The following ANGEL1 variants were observed in gnomAD, a reference collection of about 807,000 sequenced individuals.
ANGEL1 encodes angel homolog 1.
A neutral mutation model predicts 76.4 loss-of-function variants in ANGEL1; 62 were observed. The observed-to-expected ratio is 0.81, with a 90% CI of 0.66 to 1.00. The LOEUF (loss-of-function observed/expected upper bound fraction) is 1.00, where lower values mean the gene tolerates loss of function less well. Ranked by LOEUF, ANGEL1 falls within the 50% of genes least tolerant of loss-of-function variation. The probability of loss-of-function intolerance (pLI) is 0.00; values close to 1 mark genes in which losing one functional copy is unlikely to be tolerated. For missense variants in ANGEL1, 737 were observed against 836.7 expected, an observed-to-expected ratio of 0.88 and a Z score of 1.47; for synonymous variants, 340 against 331.7, an observed-to-expected ratio of 1.03 and a Z score of -0.27.
In ANGEL1 at chr14:76,789,362, G is replaced by C. The variant is rs781697667; in HGVS notation, c.1879C>G (p.Leu627Val). The change falls in exon 10 of 10, where the codon CTC becomes GTC. Residue 627 changes from leucine to valine, a missense_variant. This residue lies in a region of ANGEL1 where 296 missense variants were observed against 387.2 expected (regional missense o/e 0.76). Coordinates refer to ENST00000251089, the MANE Select transcript of ANGEL1 (RefSeq NM_015305.4). The stretch of plus-strand genomic sequence containing the variant: ...AGGGAGAGACGACCCAGGAGCTTGA[G>C]AGTTCCATCTCGATACAGCCTGTGA... ...TDHRLYRDGT[L>V]KLLGRLSLLS... 1.2e-6 allele frequency: 2 copies of C among 1,614,214 alleles called. No individual in the cohort carries two copies. The highest frequency in any genetic ancestry group is 1.7e-6 in the Non-Finnish European group (2 of 1,180,028).
At chr14:76,803,613 G>T in intron 6 of ANGEL1, 132 bp from the exon 7 acceptor site, 1 of 1,352,214 alleles carries the variant, frequency 7.4e-7, no homozygotes, top group Non-Finnish European at 1.0e-6. Flanking sequence ...TTTTCCAAAG[G>T]CTATGATTTA....
chr14:76,808,967 TCCCTA>T (rs1202865631), intron 2 of ANGEL1, 87 bp downstream of exon 2: 1 of 1,218,398 alleles, frequency 8.2e-7, no homozygotes, highest in African/African-American at 1.5e-5. Context: ...GTGGCAGAGC[TCCCTA>T]CCATAGAATC....
rs1465714298 is a variant in ANGEL1, at chr14:76,789,070, C to G, written c.*158G>C. 5.9e-6 allele frequency: 6 copies of G among 1,022,048 alleles called. No individual in the cohort carries two copies. In the African/African-American group the frequency reaches 8.0e-5, roughly 14 times the overall value. 63.3% of individuals were successfully genotyped at this position (1,022,048 alleles called of 1,614,324 possible). The stretch of plus-strand genomic sequence containing the variant: ...CCACAGGCAGAGAACGCAGCCAGGC[C>G]TGGAGAAAGTCTAACCGTGGGAAAA... On this transcript the variant is annotated 3_prime_UTR_variant, in exon 10 of 10. Transcript: ENST00000251089.
chr14:76,809,379 G>A lies in ANGEL1; in HGVS notation c.329C>T (p.Ser110Phe), dbSNP rs766502420. 1.2e-6 allele frequency: 2 copies of A among 1,614,230 alleles called. No individual in the cohort carries two copies. Among genetic ancestry groups the A allele is most frequent in the East Asian group, 4.5e-5 (2 of 44,890 alleles). ...EENAASEDRW[S>F]SRQLSDLRAA... ...CCGAAGGTCACTCAGCTGCCTGCTG[G>A]ACCACCTGTCCTCTGAAGCAGCATT... is the stretch of plus-strand genomic sequence containing the variant. Residue 110 changes from serine to phenylalanine, a missense_variant, in exon 2 of 10, where the codon TCC (serine) becomes TTC (phenylalanine). Coordinates refer to ENST00000251089, the MANE Select transcript of ANGEL1 (RefSeq NM_015305.4).
In ANGEL1 at chr14:76,795,189, A is replaced by T. The variant is rs578136380; in HGVS notation, c.1619-3823T>A. Among the ~76,000 whole-genome samples, 6 of 152,286 alleles carry T rather than the reference A, an allele frequency of 3.9e-5. No homozygotes were observed. The South Asian group carries it at 1.2e-3, about 32-fold the overall frequency. On this transcript the variant is annotated intron_variant, in intron 7 of 9. Coordinates refer to ENST00000251089, the MANE Select transcript of ANGEL1 (RefSeq NM_015305.4). ...TTTTTTTCTTAAGAGGGTTCATTTT[A>T]AAAGAATCAAGAATAGATGTTGAAT...
chr14:76,810,279 A>C (rs57335731), intron 1 of ANGEL1: 46,897 of 453,012 alleles, frequency 0.1, 2,797 homozygotes, highest in East Asian at 0.25. Flanking sequence ...AAATTAGCCA[A>C]GTACGGTGGC....
intron 7 of ANGEL1, among the ~76,000 whole-genome samples, chr14:76,792,193 C>T (rs919236217): frequency 5.3e-5 from 8 of 152,070 alleles, no homozygotes; most frequent in Non-Finnish European, 8.8e-5. Context: ...ACAAACTATG[C>T]ACAATAACTC....
chr14:76,806,647 C>T lies in ANGEL1; in HGVS notation c.1149G>A (p.Val383=). Residue 383 remains valine (V), a synonymous_variant, in exon 5 of 10, where the codon GTG becomes GTA. Coordinates refer to ENST00000251089, the MANE Select transcript of ANGEL1 (RefSeq NM_015305.4). ...GGGTATTTGCCACACACAGCGGGGC[C>T]ACCGAGACTTGTCCCAGGCCTTCTG... The part of the protein sequence containing the change: ...LVPEGLGQVS[V]APLCVANTHI... 1 of 1,614,068 alleles carries T rather than the reference C, an allele frequency of 6.2e-7. No individual in the cohort carries two copies. The highest frequency in any genetic ancestry group is 8.5e-7 in the Non-Finnish European group (1 of 1,180,036).
rs1294717922 is a variant in ANGEL1 at position 76,791,316 on chromosome 14, G to A, written c.1669C>T (p.Leu557Phe). ...ESVLEEDASE[L>F]EPAFSRTVGT... ...GGTTACCTGGAGAAGGCAGGCTCAA[G>A]CTCCGATGCATCTTCCTCAAGGACA... The change falls in exon 8 of 10, where the codon CTT becomes TTT. Residue 557 changes from leucine to phenylalanine, a missense_variant. Physicochemically the swap from Leu to Phe is conservative, Grantham distance 22 (BLOSUM62 0). This residue lies in a region of ANGEL1 where 296 missense variants were observed against 387.2 expected (regional missense o/e 0.76). Coordinates refer to ENST00000251089, the MANE Select transcript of ANGEL1 (RefSeq NM_015305.4). 6.2e-7 allele frequency: 1 copy of A among 1,613,974 alleles called. No individual in the cohort carries two copies. Among genetic ancestry groups the A allele is most frequent in the African/African-American group, 1.3e-5 (1 of 74,918 alleles).
In ANGEL1 at chr14:76,809,642, A is replaced by T. The variant is rs1246733652; in HGVS notation, c.66T>A (p.Asp22Glu). Residue 22 changes from aspartate (D) to glutamate (E), a missense_variant and splice_region_variant, in exon 2 of 10, where the codon GAT becomes GAA. Physicochemically the swap from Asp to Glu is conservative, Grantham distance 45 (BLOSUM62 2). Transcript: ENST00000251089. Reference protein sequence around the residue: ...PATRLFRALSDAFFTCRKNVL... With the variant: ...PATRLFRALSEAFFTCRKNVL... ...CATTTTTTCGACATGTGAAGAAAGCATCTAGGAGGAAAGCCAAAATACCAG... is the reference window on the plus strand; with the variant it reads ...CATTTTTTCGACATGTGAAGAAAGCTTCTAGGAGGAAAGCCAAAATACCAG... 1.2e-6 allele frequency: 2 copies of T among 1,610,136 alleles called. No individual in the cohort carries two copies. The highest frequency in any genetic ancestry group is 1.7e-6 in the Non-Finnish European group (2 of 1,177,744).
Position 76,789,107 on chromosome 14 carries a change from A to G in ANGEL1, c.*121T>C. 7.7e-7 allele frequency: 1 copy of G among 1,294,392 alleles called. No individual in the cohort carries two copies. Among genetic ancestry groups the G allele is most frequent in the Non-Finnish European group, 1.1e-6 (1 of 935,792 alleles). 80.2% of individuals were successfully genotyped at this position (1,294,392 alleles called of 1,614,324 possible). ...TAACCGTGGGAAAAAGGGAACGAGG[A>G]GGGGGAAGGGAGGGGATGTAAGTTT... On this transcript the variant is annotated 3_prime_UTR_variant, in exon 10 of 10. Coordinates refer to ENST00000251089, the MANE Select transcript of ANGEL1 (RefSeq NM_015305.4).
Position 76,789,313 on chromosome 14 carries a change from G to A in ANGEL1, c.1928C>T (p.Ala643Val). The A allele has an allele frequency of 6.2e-7, 1 of 1,614,246 alleles. No homozygotes were observed. Among genetic ancestry groups the A allele is most frequent in the Non-Finnish European group, 8.5e-7 (1 of 1,180,052 alleles). ...LSLLSEEILW[A>V]ANGLPNPFCS... ...GAAGGGGTTGGGTAAGCCATTGGCA[G>A]CCCAGAGTATCTCTTCAGAGAGAAG... is the stretch of plus-strand genomic sequence containing the variant. Residue 643 changes from alanine (A) to valine (V), a missense_variant, in exon 10 of 10, where the codon GCT becomes GTT. Ala to Val is a moderately conservative substitution (Grantham distance 64). Transcript: ENST00000251089.
intron 8 of ANGEL1, 61 bp from the exon 9 acceptor site, chr14:76,790,835 T>C: frequency 6.8e-7 from 1 of 1,477,586 alleles, no homozygotes; most frequent in South Asian, 1.4e-5. Context: ...CCTAGATCAC[T>C]TTTTCTATGG....
At chr14:76,799,278 C>CTTTTTTTTTTTTTTTTTTT (rs71122579) in intron 7 of ANGEL1, among the ~76,000 whole-genome samples, 1 of 52,378 alleles carries the variant, frequency 1.9e-5, no homozygotes, top group Non-Finnish European at 3.2e-5. Context: ...TCATGGCCTC[C>CTTTTTTTTTTTTTTTTTTT]TTTTTTTTTT....
intron 5 of ANGEL1, among the ~76,000 whole-genome samples, chr14:76,805,060 G>GA (rs1894878010): frequency 1.3e-5 from 2 of 148,350 alleles, no homozygotes; most frequent in South Asian, 4.3e-4. Context: ...AATAAAATGG[G>GA]ATAATAATAC....
intron 1 of ANGEL1, among the ~76,000 whole-genome samples, chr14:76,810,666 T>C (rs1009048465): frequency 3.3e-5 from 5 of 152,328 alleles, no homozygotes; most frequent in African/African-American, 1.2e-4. Context: ...CATTATCTGC[T>C]TTCCCATTCC....
intron 7 of ANGEL1, among the ~76,000 whole-genome samples, chr14:76,793,555 T>TG (rs1555360793): frequency 0.11 from 658 of 6,008 alleles, 2 homozygotes; most frequent in African/African-American, 0.3. Flanking sequence ...TTGGTTTTTT[T>TG]GGTTTTTTTT....
At chr14:76,812,404 C>A in intron 1 of ANGEL1, 3 of 1,095,244 alleles carry the variant, frequency 2.7e-6, no homozygotes, top group Non-Finnish European at 3.3e-6. Flanking sequence ...GTCCGAGCTA[C>A]TACCCCTTCC....
intron 5 of ANGEL1, among the ~76,000 whole-genome samples, chr14:76,806,027 T>C (rs1894907508): frequency 6.6e-6 from 1 of 152,178 alleles, no homozygotes; most frequent in Non-Finnish European, 1.5e-5. Flanking sequence ...TAGATATCAC[T>C]GTAAATGCAA....
Sources: allele counts gnomAD v4.1 joint callset (sites outside exome capture counted in the v4.1 genomes callset), GRCh38; gene constraint gnomAD v4.1.1; regional missense constraint gnomAD v4.1.1; transcripts MANE v1.5; gene names NCBI Gene and HGNC (gene_info 2026-07-23, HGNC 2026-07-21).